RTTN: variants seen among roughly 807,000 people sequenced by gnomAD.
RTTN encodes the protein rotatin.
RTTN carries 182 observed loss-of-function variants against 269.2 expected under a neutral mutation model. The observed-to-expected ratio is 0.68, with a 90% CI of 0.60 to 0.76. RTTN has a LOEUF of 0.76. RTTN is among the 30% of genes least tolerant of loss of function. RTTN has a pLI of 0.00. For synonymous variants in RTTN, 1,006 were observed against 963.5 expected, an observed-to-expected ratio of 1.04 and a Z score of -0.82; for missense variants, 2,545 against 2,608.6, an observed-to-expected ratio of 0.98 and a Z score of 0.53.
At chr18:70,036,656 C>T (rs1266222346) in intron 40 of RTTN, among the ~76,000 whole-genome samples, 1 of 152,044 alleles carries the variant, frequency 6.6e-6, no homozygotes, top group Non-Finnish European at 1.5e-5. Flanking sequence ...TACAAGTTTA[C>T]CTATATAACA....
intron 32 of RTTN, among the ~76,000 whole-genome samples, chr18:70,084,921 G>C (rs548770894): frequency 1.6e-4 from 24 of 152,196 alleles, no homozygotes; most frequent in African/African-American, 5.5e-4. Context: ...CAACAAACAG[G>C]AACTTTACTA....
intron 26 of RTTN, among the ~76,000 whole-genome samples, chr18:70,119,091 T>C (rs556600915): frequency 3.3e-5 from 5 of 152,116 alleles, no homozygotes; most frequent in Middle Eastern, 6.9e-3. Context: ...GAGCAATTAG[T>C]ATATAGAAAG....
chr18:70,088,830 T>G (rs1209054043), intron 30 of RTTN, among the ~76,000 whole-genome samples: 1 of 152,192 alleles, frequency 6.6e-6, no homozygotes, highest in East Asian at 1.9e-4. Context: ...TTTCAAATAT[T>G]TCTATAAATA....
intron 25 of RTTN, among the ~76,000 whole-genome samples, chr18:70,127,140 C>G (rs2059885820): frequency 6.6e-6 from 1 of 152,146 alleles, no homozygotes; most frequent in African/African-American, 2.4e-5. Context: ...CAAAACAAAA[C>G]AGCCTGTGGC....
chr18:70,177,973 T>G (rs1224055757), intron 10 of RTTN, among the ~76,000 whole-genome samples: 1 of 152,190 alleles, frequency 6.6e-6, no homozygotes, highest in East Asian at 1.9e-4. Context: ...CCAAAAGAGA[T>G]GTATACACAC....
At chr18:70,103,787 TAA>T (rs1163226759) in intron 28 of RTTN, among the ~76,000 whole-genome samples, 1 of 137,104 alleles carries the variant, frequency 7.3e-6, no homozygotes, top group Non-Finnish European at 1.6e-5. Context: ...AAGCAAATCA[TAA>T]AAAAAAAAGA....
At chr18:70,065,691 G>A in intron 35 of RTTN, 138 bp downstream of exon 35, 2 of 468,106 alleles carry the variant, frequency 4.3e-6, no homozygotes, top group Non-Finnish European at 7.7e-6. Context: ...TGATATATTG[G>A]TTCTAAATGT....
At chr18:70,114,676 A>C in intron 26 of RTTN, 77 bp from the exon 27 acceptor site, 1 of 1,332,516 alleles carries the variant, frequency 7.5e-7, no homozygotes, top group Non-Finnish European at 1.0e-6. Context: ...TTGGTTGCTA[A>C]GCAAGTTCTA....
chr18:70,091,902 G>A (rs879319895), intron 30 of RTTN, among the ~76,000 whole-genome samples: 23 of 151,990 alleles, frequency 1.5e-4, no homozygotes, highest in Admixed American at 6.6e-4. Context: ...ACAGGTGCCT[G>A]CCACCACACC....
intron 7 of RTTN, among the ~76,000 whole-genome samples, chr18:70,195,972 C>G (rs2061795533): frequency 6.6e-6 from 1 of 152,146 alleles, no homozygotes; most frequent in Non-Finnish European, 1.5e-5. Flanking sequence ...ATTAAGCTCA[C>G]AAAAATCCTA....
At position 70,030,070 on chromosome 18, in the gene RTTN, ATG is replaced by A. The variant is rs2056969200; in HGVS notation, c.5685_5686del (p.Ile1896LysfsTer25). 6.2e-7 allele frequency: 1 copy of A among 1,612,778 alleles called. No individual in the cohort carries two copies. Among genetic ancestry groups the A allele is most frequent in the African/African-American group, 1.3e-5 (1 of 74,872 alleles). On this transcript the variant is annotated frameshift_variant, in exon 42 of 49. Transcript: ENST00000640769. LOFTEE classifies it high-confidence loss of function. The stretch of plus-strand genomic sequence containing the variant: ...AGAATCTAGGTTCAGTTGTGCATTT[ATG>A]TGTTTCATCTGCTCCATGCAATTGT...
chr18:70,199,322 G>T (rs1600079546), intron 5 of RTTN, 92 bp downstream of exon 5: 9 of 795,920 alleles, frequency 1.1e-5, no homozygotes, highest in African/African-American at 1.7e-5. Context: ...ACTGCCACTA[G>T]TATCTTTTCC....
intron 7 of RTTN, among the ~76,000 whole-genome samples, chr18:70,195,003 A>G (rs2061768383): frequency 6.6e-6 from 1 of 152,228 alleles, no homozygotes; most frequent in Non-Finnish European, 1.5e-5. Context: ...AAAAGCATTT[A>G]CAGTCAGAGA....
At chr18:70,180,398 C>G (rs926721113) in intron 10 of RTTN, among the ~76,000 whole-genome samples, 32 of 151,802 alleles carry the variant, frequency 2.1e-4, no homozygotes, top group African/African-American at 7.5e-4. Flanking sequence ...CCTGGCCAAT[C>G]TGGCAAAACC....
intron 7 of RTTN, 106 bp downstream of exon 7, chr18:70,196,395 T>G: frequency 1.1e-6 from 1 of 935,940 alleles, no homozygotes. Context: ...GGAGTTTATG[T>G]TGTGAAAATG....
intron 46 of RTTN, among the ~76,000 whole-genome samples, chr18:70,017,118 G>A (rs976232654): frequency 6.6e-6 from 1 of 152,100 alleles, no homozygotes; most frequent in African/African-American, 2.4e-5. Context: ...AGCAAGGAGA[G>A]AGGAGAGGGA....
intron 5 of RTTN, among the ~76,000 whole-genome samples, chr18:70,198,043 C>A (rs1411750819): frequency 2.0e-4 from 30 of 152,128 alleles, no homozygotes; most frequent in Non-Finnish European, 2.9e-5. Flanking sequence ...CACAAGTCTG[C>A]AAAACGAGTT....
intron 40 of RTTN, among the ~76,000 whole-genome samples, chr18:70,047,098 G>C (rs2057512769): frequency 2.6e-5 from 4 of 152,152 alleles, no homozygotes; most frequent in Admixed American, 2.6e-4. Flanking sequence ...AATCAGCACA[G>C]GAACAATCTT....
At chr18:70,148,680 C>T (rs978923206) in intron 17 of RTTN, among the ~76,000 whole-genome samples, 2 of 152,164 alleles carry the variant, frequency 1.3e-5, no homozygotes, top group Admixed American at 1.3e-4. Context: ...GTAACACAGG[C>T]TGATCTGGCA....
Sources: allele counts gnomAD v4.1 joint callset (sites outside exome capture counted in the v4.1 genomes callset), GRCh38; gene constraint gnomAD v4.1.1; transcripts MANE v1.5; gene names NCBI Gene and HGNC (gene_info 2026-07-23, HGNC 2026-07-21).